Variants in GRIK2 observed in about 807,000 individuals in gnomAD.
The protein encoded by GRIK2 is glutamate ionotropic receptor kainate type subunit 2, also known as glutamate receptor ionotropic, kainate 2.
Under a neutral mutation model 100.3 loss-of-function variants are expected in GRIK2, and 32 were observed. That is an observed-to-expected ratio of 0.32 (90% CI 0.24 to 0.43). GRIK2 has a LOEUF of 0.43. Ranked by LOEUF, GRIK2 falls within the 20% of genes least tolerant of loss-of-function variation. GRIK2 has a pLI of 1.00. For missense variants in GRIK2, 843 were observed against 1,114.9 expected, an observed-to-expected ratio of 0.76 and a Z score of 3.47; for synonymous variants, 417 against 389.4, an observed-to-expected ratio of 1.07 and a Z score of -0.83.
chr6:102,041,839 T>TGAAA (rs1770596478), intron 15 of GRIK2, among the ~76,000 whole-genome samples: 1 of 151,608 alleles, frequency 6.6e-6, no homozygotes, highest in South Asian at 2.1e-4. Context: ...CTCTAATAAT[T>TGAAA]GAAAGAATAT....
intron 2 of GRIK2, among the ~76,000 whole-genome samples, chr6:101,534,930 C>T (rs1443269358): frequency 4.0e-5 from 6 of 151,330 alleles, no homozygotes; most frequent in Non-Finnish European, 8.9e-5. Flanking sequence ...AGCCATTTGC[C>T]ATTTGGTAGA....
At chr6:101,880,211 A>G (rs1281656581) in intron 11 of GRIK2, among the ~76,000 whole-genome samples, 1 of 152,092 alleles carries the variant, frequency 6.6e-6, no homozygotes, top group Non-Finnish European at 1.5e-5. Flanking sequence ...AGACTAGCAG[A>G]TTAAATATAC....
chr6:101,484,330 A>C (rs1369543293), intron 2 of GRIK2, among the ~76,000 whole-genome samples: 1 of 152,210 alleles, frequency 6.6e-6, no homozygotes, highest in East Asian at 1.9e-4. Flanking sequence ...TTTTCAATGA[A>C]AGCTGAAGAG....
chr6:101,933,722 A>G (rs769886701), intron 14 of GRIK2, among the ~76,000 whole-genome samples: 54 of 151,948 alleles, frequency 3.6e-4, no homozygotes, highest in Non-Finnish European at 5.9e-4. Flanking sequence ...GATGGAAAAC[A>G]TATGACAGAG....
At chr6:101,446,527 T>A (rs753004719) in intron 2 of GRIK2, among the ~76,000 whole-genome samples, 1 of 151,894 alleles carries the variant, frequency 6.6e-6, no homozygotes, top group Admixed American at 6.6e-5. Context: ...AAGAACCTTA[T>A]GGTTTTAGTA....
intron 14 of GRIK2, among the ~76,000 whole-genome samples, chr6:101,977,052 T>A (rs1050270633): frequency 2.6e-5 from 4 of 151,892 alleles, no homozygotes; most frequent in African/African-American, 9.7e-5. Context: ...CAGGTACTAA[T>A]GACTTAAATG....
intron 14 of GRIK2, among the ~76,000 whole-genome samples, chr6:101,939,089 A>G (rs1345837904): frequency 6.6e-6 from 1 of 152,036 alleles, no homozygotes; most frequent in Admixed American, 6.6e-5. Context: ...GTTCATTTCA[A>G]TTTATTACAA....
intron 4 of GRIK2, among the ~76,000 whole-genome samples, chr6:101,627,162 T>C (rs1205477036): frequency 2.0e-5 from 3 of 150,058 alleles, no homozygotes; most frequent in South Asian, 2.1e-4. Flanking sequence ...CATAGACAGA[T>C]AGATAGAGTC....
chr6:101,648,211 A>G (rs1374912490), intron 4 of GRIK2, among the ~76,000 whole-genome samples: 1 of 152,070 alleles, frequency 6.6e-6, no homozygotes, highest in Non-Finnish European at 1.5e-5. Flanking sequence ...CTTAGAAACT[A>G]CTATAAATAG....
intron 2 of GRIK2, among the ~76,000 whole-genome samples, chr6:101,469,454 G>C (rs529671934): frequency 6.6e-6 from 1 of 152,110 alleles, no homozygotes; most frequent in African/African-American, 2.4e-5. Context: ...TTAATATACT[G>C]TCCAAATAGA....
chr6:101,535,483 G>T (rs545431980), intron 2 of GRIK2, among the ~76,000 whole-genome samples: 8 of 151,712 alleles, frequency 5.3e-5, no homozygotes, highest in Non-Finnish European at 8.8e-5. Context: ...TGTATCACAG[G>T]TTGGCTTTGT....
At chr6:102,008,060 A>C (rs958626152) in intron 14 of GRIK2, among the ~76,000 whole-genome samples, 1 of 152,066 alleles carries the variant, frequency 6.6e-6, no homozygotes, top group African/African-American at 2.4e-5. Context: ...CAACAACAAC[A>C]ACAAAATTTT....
intron 10 of GRIK2, among the ~76,000 whole-genome samples, chr6:101,841,504 C>T (rs1340027866): frequency 6.6e-6 from 1 of 151,946 alleles, no homozygotes; most frequent in Non-Finnish European, 1.5e-5. Flanking sequence ...GCTGGGATTA[C>T]AGGCACCCAC....
At chr6:101,763,110 A>G (rs554086650) in intron 7 of GRIK2, among the ~76,000 whole-genome samples, 1 of 152,318 alleles carries the variant, frequency 6.6e-6, no homozygotes, top group South Asian at 2.1e-4. Context: ...AAGAACATCA[A>G]GGCCATCCTC....
At chr6:101,992,615 G>C (rs1179850298) in intron 14 of GRIK2, among the ~76,000 whole-genome samples, 1 of 151,584 alleles carries the variant, frequency 6.6e-6, no homozygotes, top group South Asian at 2.1e-4. Context: ...AGTGATTTCA[G>C]ACAGATTGAA....
intron 2 of GRIK2, among the ~76,000 whole-genome samples, chr6:101,430,147 C>T (rs531666954): frequency 3.0e-4 from 46 of 152,276 alleles, no homozygotes; most frequent in African/African-American, 9.4e-4. Context: ...CATGTTCTCA[C>T]CTCAGCCACT....
intron 11 of GRIK2, among the ~76,000 whole-genome samples, chr6:101,875,260 C>A (rs1404657813): frequency 6.6e-6 from 1 of 151,732 alleles, no homozygotes; most frequent in African/African-American, 2.4e-5. Context: ...CAATTAGAAG[C>A]CAATTTACAA....
intron 2 of GRIK2, among the ~76,000 whole-genome samples, chr6:101,454,221 T>G (rs1770870350): frequency 6.6e-6 from 1 of 152,146 alleles, no homozygotes; most frequent in South Asian, 2.1e-4. Context: ...AAAACAAGTT[T>G]GTTCTTTTTA....
At chr6:101,784,797 A>T (rs1779320663) in intron 7 of GRIK2, among the ~76,000 whole-genome samples, 1 of 152,090 alleles carries the variant, frequency 6.6e-6, no homozygotes, top group Non-Finnish European at 1.5e-5. Flanking sequence ...CCATGATTTT[A>T]AGTTTCCTGA....
Sources: gnomAD v4.1 joint callset for allele counts (sites outside exome capture counted in the v4.1 genomes callset) on GRCh38, gnomAD v4.1.1 for gene constraint, MANE v1.5 for transcripts, NCBI Gene and HGNC (gene_info 2026-07-23, HGNC 2026-07-21) for gene names.